The following ST6GALNAC3 variants were observed in gnomAD, a reference collection of about 807,000 sequenced individuals.
The protein encoded by ST6GALNAC3 is ST6 N-acetylgalactosaminide alpha-2,6-sialyltransferase 3.
ST6GALNAC3 carries 25 observed loss-of-function variants against 32.7 expected under a neutral mutation model. The ratio of observed to expected loss-of-function variants is 0.76; its 90% CI spans 0.56 to 1.07. The LOEUF (loss-of-function observed/expected upper bound fraction) is 1.07, where lower values mean the gene tolerates loss of function less well. Among genes scored for constraint, ST6GALNAC3 ranks in the 50% least tolerant of loss-of-function variants. The pLI, the probability that ST6GALNAC3 is intolerant of heterozygous loss-of-function variation, is 0.00. For synonymous variants in ST6GALNAC3, 129 were observed against 133.1 expected (o/e 0.97, Z 0.21); for missense variants, 355 against 382.4 (o/e 0.93, Z 0.60).
chr1:76,178,624 A>G (rs1414546706), intron 1 of ST6GALNAC3, among the ~76,000 whole-genome samples: 1 of 152,220 alleles, frequency 6.6e-6, no homozygotes, highest in African/African-American at 2.4e-5. Context: ...ATCAAGATCA[A>G]TAGTTTTAAT....
chr1:76,455,461 A>C (rs1044800637), intron 3 of ST6GALNAC3, among the ~76,000 whole-genome samples: 2 of 152,160 alleles, frequency 1.3e-5, no homozygotes, highest in African/African-American at 2.4e-5. Flanking sequence ...TTTAGTGTAT[A>C]TAGGTTTTTC....
chr1:76,184,831 T>C (rs1247336581), intron 1 of ST6GALNAC3, among the ~76,000 whole-genome samples: 1 of 152,146 alleles, frequency 6.6e-6, no homozygotes, highest in Non-Finnish European at 1.5e-5. Context: ...TGTGTCAGAC[T>C]GTCTTATTTT....
intron 3 of ST6GALNAC3, among the ~76,000 whole-genome samples, chr1:76,432,743 C>T (rs902576903): frequency 1.4e-4 from 21 of 152,208 alleles, no homozygotes; most frequent in African/African-American, 4.3e-4. Flanking sequence ...AGGCGTAAGC[C>T]ACCATGCCCA....
chr1:76,489,017 T>G (rs894653334), intron 3 of ST6GALNAC3, among the ~76,000 whole-genome samples: 5 of 152,214 alleles, frequency 3.3e-5, no homozygotes, highest in East Asian at 1.9e-4. Flanking sequence ...CTTATCTGCC[T>G]TCTTCTTCAC....
intron 1 of ST6GALNAC3, among the ~76,000 whole-genome samples, chr1:76,180,529 A>T (rs1215897295): frequency 6.6e-6 from 1 of 152,174 alleles, no homozygotes; most frequent in Admixed American, 6.5e-5. Context: ...TTTCATGCAC[A>T]AAATGTTGCC....
At chr1:76,220,110 T>G (rs777355563) in intron 1 of ST6GALNAC3, among the ~76,000 whole-genome samples, 3 of 152,218 alleles carry the variant, frequency 2.0e-5, no homozygotes, top group Non-Finnish European at 4.4e-5. Flanking sequence ...CTTTTTAAAA[T>G]TTTTTGGGTT....
chr1:76,328,792 G>A (rs972092979), intron 2 of ST6GALNAC3, among the ~76,000 whole-genome samples: 3 of 152,164 alleles, frequency 2.0e-5, no homozygotes, highest in Non-Finnish European at 4.4e-5. Flanking sequence ...ATGAGGTAAA[G>A]TTTTAGGTGC....
chr1:76,589,399 C>G (rs1175750981), intron 3 of ST6GALNAC3, among the ~76,000 whole-genome samples: 2 of 152,032 alleles, frequency 1.3e-5, no homozygotes, highest in African/African-American at 4.8e-5. Flanking sequence ...AACCAACAGA[C>G]CTTCCCAGCA....
chr1:76,487,322 T>C (rs113384605), intron 3 of ST6GALNAC3, among the ~76,000 whole-genome samples: 11,340 of 152,208 alleles, frequency 0.075, 866 homozygotes, highest in African/African-American at 0.19. Flanking sequence ...GCAGAGTGTT[T>C]TCCAACTTGG....
At chr1:76,332,119 C>A (rs1289781092) in intron 2 of ST6GALNAC3, among the ~76,000 whole-genome samples, 3 of 152,130 alleles carry the variant, frequency 2.0e-5, no homozygotes, top group Non-Finnish European at 4.4e-5. Context: ...AGGGTATCTT[C>A]CATCAACTTA....
rs560370557 is a variant in ST6GALNAC3 at position 76,612,468 on chromosome 1, C to G, written c.624-14984C>G. On this transcript the variant is annotated intron_variant, in intron 3 of 4. Coordinates refer to ENST00000328299, the MANE Select transcript of ST6GALNAC3 (RefSeq NM_152996.4). ...CTAAAAGTCAAATGACATTCATATC[C>G]TGGAGAATGAGGTGCCCCCATCAAG... Among the ~76,000 whole-genome samples, 209 of 152,250 alleles carry G rather than the reference C, an allele frequency of 1.4e-3. 1 individual carries two copies. Among genetic ancestry groups the G allele is most frequent in the African/African-American group, 4.9e-3 (202 of 41,546 alleles).
chr1:76,573,235 G>A (rs1646739468), intron 3 of ST6GALNAC3, among the ~76,000 whole-genome samples: 1 of 152,172 alleles, frequency 6.6e-6, no homozygotes, highest in Non-Finnish European at 1.5e-5. Flanking sequence ...CTGGCAAGTG[G>A]AACTACCTTT....
At chr1:76,448,931 G>A (rs551406580) in intron 3 of ST6GALNAC3, among the ~76,000 whole-genome samples, 76 of 152,220 alleles carry the variant, frequency 5.0e-4, no homozygotes, top group African/African-American at 1.8e-3. Flanking sequence ...CACCTCCTGG[G>A]TTCAAGGGAT....
intron 1 of ST6GALNAC3, among the ~76,000 whole-genome samples, chr1:76,182,179 G>A (rs952667360): frequency 1.3e-5 from 2 of 152,050 alleles, no homozygotes; most frequent in Admixed American, 6.6e-5. Context: ...TACATTATTG[G>A]TGTTGCTTAG....
chr1:76,123,821 C>T (rs1241394168), intron 1 of ST6GALNAC3, among the ~76,000 whole-genome samples: 2 of 134,828 alleles, frequency 1.5e-5, no homozygotes, highest in African/African-American at 5.7e-5. Flanking sequence ...ATGATCTCGG[C>T]TCACTGCAAC....
rs568894173 is a variant in ST6GALNAC3, at chr1:76,446,729, G to C, written c.623+34312G>C. Among the ~76,000 whole-genome samples the C allele has an allele frequency of 6.0e-4, 91 of 152,222 alleles. 2 individuals carry two copies. In the South Asian group the frequency reaches 0.018, roughly 31 times the overall value. On this transcript the variant is annotated intron_variant, in intron 3 of 4. Transcript: ENST00000328299. ...GTAAATAAGTCTCATGAGATCTGAT[G>C]GTTTTAAAAATGGGAGTTTCCCTGC... is the stretch of plus-strand genomic sequence containing the variant.
chr1:76,546,139 T>C (rs1213852980), intron 3 of ST6GALNAC3, among the ~76,000 whole-genome samples: 1 of 152,196 alleles, frequency 6.6e-6, no homozygotes, highest in Non-Finnish European at 1.5e-5. Flanking sequence ...ACGTATTAAA[T>C]GTTGAATTAT....
chr1:76,601,465 G>A (rs999919987), intron 3 of ST6GALNAC3, among the ~76,000 whole-genome samples: 1 of 152,098 alleles, frequency 6.6e-6, no homozygotes, highest in Non-Finnish European at 1.5e-5. Context: ...ATTAGCTCCG[G>A]AAGTAAAGGA....
At chr1:76,271,405 A>G (rs1024444370) in intron 1 of ST6GALNAC3, among the ~76,000 whole-genome samples, 1 of 152,236 alleles carries the variant, frequency 6.6e-6, no homozygotes, top group African/African-American at 2.4e-5. Context: ...TTTATTGAGT[A>G]CCCACTCTAT....
Sources: gnomAD v4.1 joint callset for allele counts (sites outside exome capture counted in the v4.1 genomes callset) on GRCh38, gnomAD v4.1.1 for gene constraint, MANE v1.5 for transcripts, NCBI Gene and HGNC (gene_info 2026-07-23, HGNC 2026-07-21) for gene names.